Variants in CUL7 observed in about 807,000 individuals in gnomAD.
CUL7 encodes the protein cullin 7.
A neutral mutation model predicts 177.7 loss-of-function variants in CUL7; 96 were observed. The observed-to-expected ratio is 0.54, with a 90% CI of 0.46 to 0.64. The LOEUF (loss-of-function observed/expected upper bound fraction) is 0.64, where lower values mean the gene tolerates loss of function less well. CUL7 is among the 30% of genes least tolerant of loss of function. The pLI is 0.00. For missense variants in CUL7, 1,893 were observed against 2,187.9 expected, an observed-to-expected ratio of 0.87 and a Z score of 2.69; for synonymous variants, 824 against 890.2, an observed-to-expected ratio of 0.93 and a Z score of 1.32.
chr6:43,049,261 G>C, intron 7 of CUL7, 146 bp downstream of exon 7: 4 of 1,029,130 alleles, frequency 3.9e-6, no homozygotes, highest in South Asian at 1.3e-5. Context: ...CACAATGCCT[G>C]CTTCTCCGTT....
Position 43,040,376 on chromosome 6 carries a change from T to A in CUL7, c.4074A>T (p.Glu1358Asp), listed in dbSNP as rs146346558. The A allele has an allele frequency of 7.9e-5, 128 of 1,613,358 alleles. No individual in the cohort carries two copies. In the African/African-American group the frequency reaches 1.5e-3, roughly 19 times the overall value. ...CATCCACCACTGCTGCTGCCCCAGC[T>A]TCCTCTTCCTTCTCGCTCTTGTGCT... ...GKEHKSEKEE[E>D]AGAAAVVDVA... is the part of the protein sequence containing the mutation. The change falls in exon 22 of 26, where the codon GAA (glutamate) becomes GAT (aspartate). Residue 1358 changes from glutamate (E) to aspartate (D), a missense_variant. Coordinates refer to ENST00000265348, the MANE Select transcript of CUL7 (RefSeq NM_014780.5). This position sits in a 1 kb window ranked among gnomAD's most constrained non-coding sequence, Gnocchi z 4.2.
chr6:43,045,133 C>T lies in CUL7; in HGVS notation c.3038+94G>A. ...CCCCTCCCCACGCATATTAAACCTC[C>T]ATCTCACAGCTTCTATGGACCCCTG... On this transcript the variant is annotated intron_variant, in intron 15 of 25. Coordinates refer to ENST00000265348, the MANE Select transcript of CUL7 (RefSeq NM_014780.5). The surrounding 1 kb of genome is among the most constrained non-coding windows in gnomAD (Gnocchi z 4.8). The T allele has an allele frequency of 6.7e-7, 1 of 1,493,816 alleles. No individual in the cohort carries two copies. The highest frequency in any genetic ancestry group is 2.5e-5 in the East Asian group (1 of 40,754). 92.5% of individuals were successfully genotyped at this position (1,493,816 alleles called of 1,614,324 possible).
Position 43,051,739 on chromosome 6 carries a change from G to T in CUL7, c.605C>A (p.Ser202Ter). The T allele has an allele frequency of 6.2e-7, 1 of 1,614,140 alleles. No individual in the cohort carries two copies. Among genetic ancestry groups the T allele is most frequent in the South Asian group, 1.1e-5 (1 of 91,072 alleles). ...CTCAATGGCTTCTTGTTGGCTCAGT[G>T]ACAGAAGGATCTGAGTCCGGGTCCC... ...DAGTRTQILL[S>*]LSQQEAIEKH... Residue 202 changes from serine (S) to a stop codon, truncating the protein, a stop_gained, in exon 3 of 26, where the codon TCA becomes TAA. Coordinates refer to ENST00000265348, the MANE Select transcript of CUL7 (RefSeq NM_014780.5). LOFTEE classifies it high-confidence loss of function. The surrounding 1 kb of genome is among the most constrained non-coding windows in gnomAD (Gnocchi z 5.0).
At chr6:43,046,628 G>C (rs747943766) in intron 10 of CUL7, 27 bp from the exon 11 acceptor site, 1 of 1,613,830 alleles carries the variant, frequency 6.2e-7, no homozygotes, top group South Asian at 1.1e-5. Flanking sequence ...AGAGAGAAGG[G>C]GCACAGGGGC....
At position 43,051,140 on chromosome 6, in the gene CUL7, G is replaced by A. The variant is rs778245651; in HGVS notation, c.1061C>T (p.Ser354Leu). Residue 354 changes from serine (S) to leucine (L), a missense_variant, in exon 4 of 26, where the codon TCA becomes TTA. By Grantham distance (145) the Ser-to-Leu change is moderately radical (BLOSUM62 -2). Transcript: ENST00000265348. The surrounding 1 kb of genome is among the most constrained non-coding windows in gnomAD (Gnocchi z 5.0). ...AAQAQPSFRR[S>L]RRFRPRSEFA... ...CTCAGAACGAGGGCGAAAACGTCTT[G>A]ACCTCCTGAAGGAGGGCTGAGCCTG... The A allele has an allele frequency of 9.9e-6, 16 of 1,614,208 alleles. No homozygotes were observed. The highest frequency in any genetic ancestry group is 1.4e-5 in the Non-Finnish European group (16 of 1,180,040).
chr6:43,051,793 T>C lies in CUL7; in HGVS notation c.581-30A>G, dbSNP rs1332256208. 4.3e-6 allele frequency: 7 copies of C among 1,612,998 alleles called. No homozygotes were observed. In the Admixed American group the frequency reaches 1.0e-4, roughly 23 times the overall value. On this transcript the variant is annotated intron_variant, in intron 2 of 25. Coordinates refer to ENST00000265348, the MANE Select transcript of CUL7 (RefSeq NM_014780.5). The surrounding 1 kb of genome is among the most constrained non-coding windows in gnomAD (Gnocchi z 5.0). ...AACCCACACCCCAGTTGGTAACTTC[T>C]CCCTAATCTCACCCTTCCTAGAAAT...
In CUL7 at chr6:43,046,963, G is replaced by A. The variant is rs779292343; in HGVS notation, c.2314C>T (p.Leu772=). The A allele has an allele frequency of 2.7e-5, 44 of 1,613,386 alleles. No individual in the cohort carries two copies. In the African/African-American group the frequency reaches 4.1e-4, roughly 15 times the overall value. Residue 772 remains leucine, a synonymous_variant, in exon 10 of 26, where the codon CTG becomes TTG. Coordinates refer to ENST00000265348, the MANE Select transcript of CUL7 (RefSeq NM_014780.5). ...TCACACTTGAACACCATGTCCCGCA[G>A]CTCCTGAGCCAGCTCCAGCTTTCCC... ...HLGKLELAQE[L]RDMVFKCEKH...
Position 43,043,246 on chromosome 6 carries a change from C to A in CUL7, c.3356-66G>T. The A allele has an allele frequency of 7.2e-7, 1 of 1,387,270 alleles. No homozygotes were observed. Among genetic ancestry groups the A allele is most frequent in the Non-Finnish European group, 1.0e-6 (1 of 984,262 alleles). 85.9% of individuals were successfully genotyped at this position (1,387,270 alleles called of 1,614,324 possible). Reference sequence around the variant, plus strand: ...GCCCCTCCACTCCCAAGTCCCCATCCAAGGGGGTTCCCTGAGGCCTTTCCT... The same window carrying A: ...GCCCCTCCACTCCCAAGTCCCCATCAAAGGGGGTTCCCTGAGGCCTTTCCT... On this transcript the variant is annotated intron_variant, in intron 17 of 25. Transcript: ENST00000265348. The surrounding 1 kb of genome is among the most constrained non-coding windows in gnomAD (Gnocchi z 4.2).
In CUL7 at chr6:43,045,095, A is replaced by T; in HGVS notation, c.3038+132T>A. ...ATCCTTTCTTCCCCTCCCACAGCTC[A>T]GAAAACTCCAGCCCCCTCCCCACGC... On this transcript the variant is annotated intron_variant, in intron 15 of 25. Coordinates refer to ENST00000265348, the MANE Select transcript of CUL7 (RefSeq NM_014780.5). This position sits in a 1 kb window ranked among gnomAD's most constrained non-coding sequence, Gnocchi z 4.8. The T allele has an allele frequency of 7.3e-7, 1 of 1,368,186 alleles. No homozygotes were observed. The highest frequency in any genetic ancestry group is 1.0e-6 in the Non-Finnish European group (1 of 989,900). The allele number at this position is 1,368,186 out of a possible 1,614,324, so 84.8% of individuals were successfully genotyped here. A position where few individuals can be genotyped will look rare whatever the true frequency, so the allele number is the denominator to read the frequency against.
chr6:43,045,110 C>T lies in CUL7; in HGVS notation c.3038+117G>A. 1 of 1,415,046 alleles carries T rather than the reference C, an allele frequency of 7.1e-7. No individual in the cohort carries two copies. The highest frequency in any genetic ancestry group is 1.2e-5 in the South Asian group (1 of 81,138). 87.7% of individuals were successfully genotyped at this position (1,415,046 alleles called of 1,614,324 possible). A position where few individuals can be genotyped will look rare whatever the true frequency, so the allele number is the denominator to read the frequency against. ...CCCACAGCTCAGAAAACTCCAGCCC[C>T]CTCCCCACGCATATTAAACCTCCAT... On this transcript the variant is annotated intron_variant, in intron 15 of 25. Transcript: ENST00000265348. This position sits in a 1 kb window ranked among gnomAD's most constrained non-coding sequence, Gnocchi z 4.8.
Position 43,042,979 on chromosome 6 carries a change from G to A in CUL7, c.3468C>T (p.Asn1156=). ...CWRAVVEKQV[N]NFLTSSWRDD... Reference sequence around the variant, plus strand: ...CCCGCCAGGATGAGGTCAGAAAATTGTTCACCTGGAAGGAAGGGGCAGGAG... The same window carrying A: ...CCCGCCAGGATGAGGTCAGAAAATTATTCACCTGGAAGGAAGGGGCAGGAG... The change falls in exon 19 of 26, where the codon AAC becomes AAT. Residue 1156 remains asparagine, a synonymous_variant. Transcript: ENST00000265348. The A allele has an allele frequency of 6.2e-7, 1 of 1,614,146 alleles. No individual in the cohort carries two copies. Among genetic ancestry groups the A allele is most frequent in the Non-Finnish European group, 8.5e-7 (1 of 1,180,030 alleles).
chr6:43,042,090 A>AGAAGGAGGGAGG (rs1763482795), intron 19 of CUL7, among the ~76,000 whole-genome samples: 1 of 136,462 alleles, frequency 7.3e-6, no homozygotes, highest in Non-Finnish European at 1.6e-5. Flanking sequence ...AGGGAGGGAG[A>AGAAGGAGGGAGG]GAAGGAGGGA....
At chr6:43,041,442 C>G (rs1308193294) in intron 19 of CUL7, among the ~76,000 whole-genome samples, 1 of 151,834 alleles carries the variant, frequency 6.6e-6, no homozygotes, top group Non-Finnish European at 1.5e-5. Context: ...CCCATCTCTA[C>G]TAAAAATACG....
chr6:43,045,120 C>T lies in CUL7; in HGVS notation c.3038+107G>A. ...AGAAAACTCCAGCCCCCTCCCCACG[C>T]ATATTAAACCTCCATCTCACAGCTT... is the stretch of plus-strand genomic sequence containing the variant. On this transcript the variant is annotated intron_variant, in intron 15 of 25. Coordinates refer to ENST00000265348, the MANE Select transcript of CUL7 (RefSeq NM_014780.5). The surrounding 1 kb of genome is among the most constrained non-coding windows in gnomAD (Gnocchi z 4.8). 2 of 1,437,226 alleles carry T rather than the reference C, an allele frequency of 1.4e-6. No individual in the cohort carries two copies. Among genetic ancestry groups the T allele is most frequent in the Non-Finnish European group, 1.9e-6 (2 of 1,047,358 alleles). 89.0% of individuals were successfully genotyped at this position (1,437,226 alleles called of 1,614,324 possible).
In CUL7 at chr6:43,045,334, G is replaced by A. The variant is rs1425305611; in HGVS notation, c.2931C>T (p.Phe977=). Residue 977 remains phenylalanine, a synonymous_variant, in exon 15 of 26, where the codon TTC becomes TTT. Coordinates refer to ENST00000265348, the MANE Select transcript of CUL7 (RefSeq NM_014780.5). The surrounding 1 kb of genome is among the most constrained non-coding windows in gnomAD (Gnocchi z 4.8). ...GTGTGTGACGACAGAGCTGCTCCCG[G>A]AACACTGGCCAGAACGTGGGCTTGG... ...LGPKPTFWPV[F]REQLCRHTRL... is the part of the protein sequence containing the mutation. 6.2e-7 allele frequency: 1 copy of A among 1,614,228 alleles called. No homozygotes were observed. The highest frequency in any genetic ancestry group is 2.2e-5 in the East Asian group (1 of 44,886).
rs189784021 is a variant in CUL7 at position 43,045,912 on chromosome 6, G to A, written c.2766+74C>T. On this transcript the variant is annotated intron_variant, in intron 13 of 25. Transcript: ENST00000265348. This position sits in a 1 kb window ranked among gnomAD's most constrained non-coding sequence, Gnocchi z 4.8. ...ACAGGTGGGAGTTAGAAAAAAGTAG[G>A]ATAGGGCCAGATAGAAGCAGGAGGG... is the stretch of plus-strand genomic sequence containing the variant. 1 of 1,289,134 alleles carries A rather than the reference G, an allele frequency of 7.8e-7. No individual in the cohort carries two copies. Among genetic ancestry groups the A allele is most frequent in the Middle Eastern group, 1.8e-4 (1 of 5,470 alleles). The allele number at this position is 1,289,134 out of a possible 1,614,324, so 79.9% of individuals were successfully genotyped here.
rs190137614 is a variant in CUL7 at position 43,049,038 on chromosome 6, C to T, written c.1825+369G>A. 7.2e-5 allele frequency among the ~76,000 whole-genome samples: 11 copies of T among 152,238 alleles called. No homozygotes were observed. In the East Asian group the frequency reaches 1.7e-3, roughly 24 times the overall value. ...CCACCTGCCTTGGCCTTCCAAAGTG[C>T]TGGGATTACAGGCGTGAGCCACCAT... On this transcript the variant is annotated intron_variant, in intron 7 of 25. Coordinates refer to ENST00000265348, the MANE Select transcript of CUL7 (RefSeq NM_014780.5).
Position 43,050,420 on chromosome 6 carries a change from A to AGGGAAG in CUL7, c.1234-28_1234-23dup. The AGGGAAG allele has an allele frequency of 6.2e-7, 1 of 1,613,848 alleles. No homozygotes were observed. Among genetic ancestry groups the AGGGAAG allele is most frequent in the Non-Finnish European group, 8.5e-7 (1 of 1,179,926 alleles). ...ATACCTGGAGCATAGGGAAAGAAAG[A>AGGGAAG]GGGAAGGGGAAGGGAGGACTCACAA... On this transcript the variant is annotated intron_variant, in intron 4 of 25. Transcript: ENST00000265348. The surrounding 1 kb of genome is among the most constrained non-coding windows in gnomAD (Gnocchi z 4.1).
intron 22 of CUL7, 29 bp from the exon 23 acceptor site, chr6:43,039,016 G>C: frequency 1.9e-6 from 3 of 1,543,114 alleles, no homozygotes; most frequent in Non-Finnish European, 2.7e-6. Context: ...GGGAGACAAA[G>C]AGCAGGTGAA....
Sources: allele counts gnomAD v4.1 joint callset (sites outside exome capture counted in the v4.1 genomes callset), GRCh38; gene constraint gnomAD v4.1.1; non-coding constraint Gnocchi (gnomAD v3.1); transcripts MANE v1.5; gene names NCBI Gene and HGNC (gene_info 2026-07-23, HGNC 2026-07-21).